VAMP4: variants seen among roughly 807,000 people sequenced by gnomAD.
VAMP4 encodes vesicle-associated membrane protein 4.
A neutral mutation model predicts 23.5 loss-of-function variants in VAMP4; 19 were observed. The ratio of observed to expected loss-of-function variants is 0.81; its 90% CI spans 0.56 to 1.19. VAMP4 has a LOEUF of 1.19. VAMP4 is among the 50% of genes most tolerant of loss of function. The probability of loss-of-function intolerance (pLI) is 0.00; values close to 1 mark genes in which losing one functional copy is unlikely to be tolerated. For synonymous variants in VAMP4, 31 were observed against 51.0 expected (o/e 0.61, Z 1.67); for missense variants, 145 against 168.6 (o/e 0.86, Z 0.78).
At position 171,719,276 on chromosome 1, in the gene VAMP4, CAAAAA is replaced by C. The variant is rs976953030; in HGVS notation, c.114-60_114-56del. The C allele has an allele frequency of 1.3e-5, 19 of 1,427,546 alleles. No homozygotes were observed. In the South Asian group the frequency reaches 2.0e-4, roughly 15 times the overall value. The allele number at this position is 1,427,546 out of a possible 1,614,324, so 88.4% of individuals were successfully genotyped here. The stretch of plus-strand genomic sequence containing the variant: ...TAGTAGTGACAGGATTAAAACAAAA[CAAAAA>C]AAAGATAGAAAGTATACACAAATAC... On this transcript the variant is annotated intron_variant, in intron 3 of 7. Transcript: ENST00000236192.
intron 4 of VAMP4, among the ~76,000 whole-genome samples, chr1:171,712,100 C>G (rs181004634): frequency 1.5e-4 from 23 of 152,218 alleles, no homozygotes; most frequent in African/African-American, 5.1e-4. Flanking sequence ...AATGAAACTG[C>G]TTAATGATGC....
Position 171,700,577 on chromosome 1 carries a change from A to AGAG in VAMP4, c.*3926_*3928dup, listed in dbSNP as rs897100206. ...GAACCTAATGGAATACCATAAAGCC[A>AGAG]GAGTTTTTCCACACCCAATTACAGT... On this transcript the variant is annotated 3_prime_UTR_variant, in exon 8 of 8. Transcript: ENST00000236192. 3 of 152,262 alleles carry AGAG rather than the reference A, an allele frequency of 2.0e-5. No homozygotes were observed. The highest frequency in any genetic ancestry group is 7.2e-5 in the African/African-American group (3 of 41,476). 9.4% of individuals were successfully genotyped at this position (152,262 alleles called of 1,614,324 possible). A position where few individuals can be genotyped will look rare whatever the true frequency, so the allele number is the denominator to read the frequency against.
chr1:171,716,763 G>A (rs904001209), intron 4 of VAMP4, among the ~76,000 whole-genome samples: 1 of 152,132 alleles, frequency 6.6e-6, no homozygotes, highest in African/African-American at 2.4e-5. Flanking sequence ...ATAACGCCAG[G>A]GATTTGTCAT....
At chr1:171,707,639 G>C (rs988772165) in intron 6 of VAMP4, among the ~76,000 whole-genome samples, 25 of 152,134 alleles carry the variant, frequency 1.6e-4, no homozygotes, top group African/African-American at 5.6e-4. Flanking sequence ...CTAAGCATTA[G>C]AAAATAATAA....
At chr1:171,714,222 T>C (rs945088905) in intron 4 of VAMP4, among the ~76,000 whole-genome samples, 1 of 152,196 alleles carries the variant, frequency 6.6e-6, no homozygotes, top group African/African-American at 2.4e-5. Flanking sequence ...AATATGGAGA[T>C]AGTTTGGTTT....
chr1:171,705,806 T>C (rs527791544), intron 7 of VAMP4, among the ~76,000 whole-genome samples: 1 of 152,208 alleles, frequency 6.6e-6, no homozygotes, highest in South Asian at 2.1e-4. Flanking sequence ...AAAAGAGATA[T>C]TTAAAATGAT....
intron 3 of VAMP4, among the ~76,000 whole-genome samples, chr1:171,724,482 T>C (rs1558111455): frequency 6.6e-6 from 1 of 151,600 alleles, no homozygotes; most frequent in Non-Finnish European, 1.5e-5. Context: ...TAATAAAAAA[T>C]AAAAGAAAAT....
In VAMP4 at chr1:171,703,219, G is replaced by A. The variant is rs1251572543; in HGVS notation, c.*1287C>T. On this transcript the variant is annotated 3_prime_UTR_variant, in exon 8 of 8. Transcript: ENST00000236192. ...GCAGAATCACTAATTTTATTATAAA[G>A]CTTCCTCTCCCCACACCTTAGGGGA... The A allele has an allele frequency of 6.6e-6, 1 of 150,942 alleles. No homozygotes were observed. Among genetic ancestry groups the A allele is most frequent in the Admixed American group, 6.6e-5 (1 of 15,110 alleles). 9.4% of individuals were successfully genotyped at this position (150,942 alleles called of 1,614,324 possible). A position where few individuals can be genotyped will look rare whatever the true frequency, so the allele number is the denominator to read the frequency against.
intron 4 of VAMP4, among the ~76,000 whole-genome samples, chr1:171,716,413 C>T (rs1200386505): frequency 6.6e-6 from 1 of 152,138 alleles, no homozygotes; most frequent in Non-Finnish European, 1.5e-5. Context: ...TCCAGGTGGT[C>T]CATCCTCATA....
intron 3 of VAMP4, among the ~76,000 whole-genome samples, chr1:171,721,098 C>T (rs72717900): frequency 0.059 from 8,945 of 152,072 alleles, 355 homozygotes; most frequent in East Asian, 0.24. Flanking sequence ...CAAAATCCAA[C>T]GTCAGCTAAT....
chr1:171,704,488 A>G lies in VAMP4; in HGVS notation c.*18T>C. ...TTACTGTCCCAGATCTTGTTTAATGAAGATCTCTGTCATCAAATCAAGTAC... is the reference window on the plus strand; with the variant it reads ...TTACTGTCCCAGATCTTGTTTAATGGAGATCTCTGTCATCAAATCAAGTAC... On this transcript the variant is annotated 3_prime_UTR_variant, in exon 8 of 8. Transcript: ENST00000236192. 1 of 1,573,278 alleles carries G rather than the reference A, an allele frequency of 6.4e-7. No individual in the cohort carries two copies. The highest frequency in any genetic ancestry group is 8.6e-7 in the Non-Finnish European group (1 of 1,158,822).
chr1:171,739,419 A>G (rs866855186), intron 1 of VAMP4, among the ~76,000 whole-genome samples: 4 of 152,228 alleles, frequency 2.6e-5, no homozygotes, highest in South Asian at 4.1e-4. Flanking sequence ...CACCTCTTCC[A>G]TCTGGCTGTT....
intron 6 of VAMP4, among the ~76,000 whole-genome samples, chr1:171,708,937 A>G (rs192847268): frequency 6.6e-6 from 1 of 151,834 alleles, no homozygotes; most frequent in African/African-American, 2.4e-5. Flanking sequence ...TGAGAGACTA[A>G]AAACAGTGAG....
intron 4 of VAMP4, among the ~76,000 whole-genome samples, chr1:171,713,587 C>A (rs969311550): frequency 2.0e-5 from 3 of 152,148 alleles, no homozygotes; most frequent in Non-Finnish European, 4.4e-5. Flanking sequence ...AATCTCAACA[C>A]TTTGGGAGGC....
At chr1:171,730,922 C>T (rs992849736) in intron 2 of VAMP4, among the ~76,000 whole-genome samples, 13 of 151,940 alleles carry the variant, frequency 8.6e-5, no homozygotes, top group Admixed American at 3.3e-4. Flanking sequence ...AGGATGTATT[C>T]GGCTGGGCGC....
chr1:171,730,930 C>T (rs1463568340), intron 2 of VAMP4, among the ~76,000 whole-genome samples: 2 of 152,002 alleles, frequency 1.3e-5, no homozygotes, highest in African/African-American at 2.4e-5. Flanking sequence ...TTCGGCTGGG[C>T]GCAGTGGCTC....
At chr1:171,733,893 A>G (rs1655644212) in intron 2 of VAMP4, among the ~76,000 whole-genome samples, 2 of 152,256 alleles carry the variant, frequency 1.3e-5, no homozygotes, top group Non-Finnish European at 2.9e-5. Flanking sequence ...TCATAGCAGT[A>G]GTATTTAAAA....
At chr1:171,733,769 GC>G (rs1655639533) in intron 2 of VAMP4, among the ~76,000 whole-genome samples, 1 of 152,156 alleles carries the variant, frequency 6.6e-6, no homozygotes, top group African/African-American at 2.4e-5. Flanking sequence ...AAACAGCTGG[GC>G]AGTTCTTCAG....
In VAMP4 at chr1:171,704,538, T is replaced by G. The variant is rs1370371735; in HGVS notation, c.398-4A>C. On this transcript the variant is annotated splice_region_variant and splice_polypyrimidine_tract_variant and intron_variant, in intron 7 of 7. Coordinates refer to ENST00000236192, the MANE Select transcript of VAMP4 (RefSeq NM_003762.5). ...CGGTATTTCATGACTATAAGAACTG[T>G]AAGAGAAAACATGAAAAAAGCAATA... 5 of 1,577,518 alleles carry G rather than the reference T, an allele frequency of 3.2e-6. No homozygotes were observed. Among genetic ancestry groups the G allele is most frequent in the Admixed American group, 1.8e-5 (1 of 55,116 alleles).
Sources: allele counts gnomAD v4.1 joint callset (sites outside exome capture counted in the v4.1 genomes callset), GRCh38; gene constraint gnomAD v4.1.1; transcripts MANE v1.5; gene names NCBI Gene and HGNC (gene_info 2026-07-23, HGNC 2026-07-21).